ITGBL1: variants seen among roughly 807,000 people sequenced by gnomAD.
ITGBL1 encodes the protein integrin beta-like protein 1.
In ITGBL1, 51 loss-of-function variants were observed where a neutral mutation model predicts 68.5. The ratio of observed to expected loss-of-function variants is 0.74; its 90% CI spans 0.59 to 0.94. ITGBL1 has a LOEUF of 0.94. Ranked by LOEUF, ITGBL1 falls within the 40% of genes least tolerant of loss-of-function variation. ITGBL1 has a pLI of 0.00. For missense variants in ITGBL1, 649 were observed against 647.4 expected, an observed-to-expected ratio of 1.00 and a Z score of -0.03; for synonymous variants, 209 against 227.3, an observed-to-expected ratio of 0.92 and a Z score of 0.72.
chr13:101,486,525 C>T (rs2048705254), intron 2 of ITGBL1, among the ~76,000 whole-genome samples: 1 of 151,904 alleles, frequency 6.6e-6, no homozygotes, highest in Non-Finnish European at 1.5e-5. Context: ...GGAAATAAGA[C>T]CCCCATCAAA....
intron 2 of ITGBL1, among the ~76,000 whole-genome samples, chr13:101,548,115 C>T (rs1048378628): frequency 6.6e-6 from 1 of 151,778 alleles, no homozygotes; most frequent in Non-Finnish European, 1.5e-5. Context: ...TTAGTTCCTT[C>T]TTAAATTCTG....
chr13:101,517,840 T>C (rs1181859503), intron 2 of ITGBL1, among the ~76,000 whole-genome samples: 1 of 152,172 alleles, frequency 6.6e-6, no homozygotes, highest in Non-Finnish European at 1.5e-5. Context: ...GAGAGGACTC[T>C]GTCCTGGGTG....
chr13:101,513,693 G>A (rs2049150664), intron 2 of ITGBL1, among the ~76,000 whole-genome samples: 1 of 151,976 alleles, frequency 6.6e-6, no homozygotes, highest in Non-Finnish European at 1.5e-5. Context: ...AAAATGGTCA[G>A]TAATTATTAT....
chr13:101,694,806 T>A (rs1464290869), intron 8 of ITGBL1, among the ~76,000 whole-genome samples: 1 of 152,232 alleles, frequency 6.6e-6, no homozygotes, highest in African/African-American at 2.4e-5. Context: ...TAGGTCAATG[T>A]CTCTTGAAAT....
chr13:101,550,263 G>A (rs2049898960), intron 2 of ITGBL1, among the ~76,000 whole-genome samples: 1 of 152,052 alleles, frequency 6.6e-6, no homozygotes, highest in African/African-American at 2.4e-5. Flanking sequence ...CAGACATGGT[G>A]CCTGCCTCTG....
At chr13:101,553,828 C>T (rs2049960615) in intron 2 of ITGBL1, among the ~76,000 whole-genome samples, 1 of 152,076 alleles carries the variant, frequency 6.6e-6, no homozygotes, top group Admixed American at 6.6e-5. Flanking sequence ...AGGCAGAAGT[C>T]CAATGGCACG....
chr13:101,652,023 G>T (rs945873708), intron 7 of ITGBL1, among the ~76,000 whole-genome samples: 1 of 151,992 alleles, frequency 6.6e-6, no homozygotes. Context: ...CTGTTGCATT[G>T]GTCTATGTGT....
intron 9 of ITGBL1, 112 bp downstream of exon 9, chr13:101,707,014 T>A: frequency 9.0e-7 from 1 of 1,105,342 alleles, no homozygotes; most frequent in Non-Finnish European, 1.3e-6. Flanking sequence ...AGCAAACCAC[T>A]ATGTCCTCTG....
At chr13:101,610,036 A>T (rs2031050468) in intron 7 of ITGBL1, among the ~76,000 whole-genome samples, 1 of 152,200 alleles carries the variant, frequency 6.6e-6, no homozygotes, top group East Asian at 1.9e-4. Context: ...TTTGAAATGA[A>T]AATAGAAAAT....
chr13:101,663,366 C>G (rs994069313), intron 7 of ITGBL1, among the ~76,000 whole-genome samples: 1 of 152,064 alleles, frequency 6.6e-6, no homozygotes, highest in African/African-American at 2.4e-5. Context: ...CTTTAGAGAT[C>G]GCTTGATCTA....
intron 2 of ITGBL1, among the ~76,000 whole-genome samples, chr13:101,527,385 C>T (rs113683747): frequency 6.6e-6 from 1 of 152,074 alleles, no homozygotes; most frequent in Non-Finnish European, 1.5e-5. Flanking sequence ...ATCTTTTGCT[C>T]TGCATGCTTT....
intron 7 of ITGBL1, among the ~76,000 whole-genome samples, chr13:101,616,450 C>T (rs1034156525): frequency 3.9e-5 from 6 of 152,006 alleles, no homozygotes; most frequent in African/African-American, 1.2e-4. Context: ...ACTCTGAGAT[C>T]GGCTTTCTGC....
intron 2 of ITGBL1, chr13:101,489,981 G>C (rs965163501): frequency 4.0e-6 from 6 of 1,502,816 alleles, no homozygotes; most frequent in Non-Finnish European, 5.4e-6. Flanking sequence ...TAGTTGCAGT[G>C]ATGGGAGCAT....
chr13:101,669,468 G>C (rs551230368), intron 7 of ITGBL1, among the ~76,000 whole-genome samples: 1 of 152,224 alleles, frequency 6.6e-6, no homozygotes, highest in African/African-American at 2.4e-5. Context: ...GGTTTGTAAA[G>C]TATAATCTTA....
intron 2 of ITGBL1, among the ~76,000 whole-genome samples, chr13:101,462,280 T>A (rs2048327986): frequency 6.6e-6 from 1 of 152,172 alleles, no homozygotes; most frequent in African/African-American, 2.4e-5. Flanking sequence ...TAATCCAGGA[T>A]AAGCTTCCCA....
intron 8 of ITGBL1, chr13:101,693,018 T>A (rs904713252): frequency 2.3e-5 from 5 of 217,264 alleles, no homozygotes; most frequent in Non-Finnish European, 9.2e-6. Flanking sequence ...ATTACTTTAT[T>A]TATAAACACT....
chr13:101,644,075 A>G (rs557554820), intron 7 of ITGBL1, among the ~76,000 whole-genome samples: 4 of 152,142 alleles, frequency 2.6e-5, no homozygotes, highest in Non-Finnish European at 5.9e-5. Flanking sequence ...ACCTCGGGGC[A>G]TAGTAGCTGC....
intron 2 of ITGBL1, among the ~76,000 whole-genome samples, chr13:101,550,112 G>C (rs2049896641): frequency 6.6e-6 from 1 of 152,030 alleles, no homozygotes; most frequent in Non-Finnish European, 1.5e-5. Flanking sequence ...CTATGAGCTG[G>C]GATATAGATA....
At chr13:101,674,375 T>TG (rs1185844674) in intron 7 of ITGBL1, among the ~76,000 whole-genome samples, 2 of 152,238 alleles carry the variant, frequency 1.3e-5, no homozygotes, top group Admixed American at 6.5e-5. Context: ...TAGTTTACTA[T>TG]GACATGTTCT....
Sources: gnomAD v4.1 joint callset for allele counts (sites outside exome capture counted in the v4.1 genomes callset) on GRCh38, gnomAD v4.1.1 for gene constraint, MANE v1.5 for transcripts, NCBI Gene and HGNC (gene_info 2026-07-23, HGNC 2026-07-21) for gene names.